Variants in CLASP1 observed in about 807,000 individuals in gnomAD.
CLASP1 encodes CLIP-associating protein 1.
A neutral mutation model predicts 192.3 loss-of-function variants in CLASP1; 38 were observed. That is an observed-to-expected ratio of 0.20 (90% confidence interval 0.15 to 0.26). The LOEUF is 0.26. CLASP1 is among the 10% of genes least tolerant of loss of function. The probability of loss-of-function intolerance (pLI) is 1.00; values close to 1 mark genes in which losing one functional copy is unlikely to be tolerated. For missense variants in CLASP1, 1,433 were observed against 1,932.5 expected, an observed-to-expected ratio of 0.74 and a Z score of 4.85; for synonymous variants, 691 against 712.8, an observed-to-expected ratio of 0.97 and a Z score of 0.49.
rs893707145 is a variant in CLASP1 at position 121,452,139 on chromosome 2, C to G, written c.1386-290G>C. Among the ~76,000 whole-genome samples the G allele has an allele frequency of 3.9e-5, 6 of 152,226 alleles. No individual in the cohort carries two copies. The East Asian group carries it at 7.7e-4, about 19-fold the overall frequency. On this transcript the variant is annotated intron_variant, in intron 14 of 39. Coordinates refer to ENST00000263710, the Ensembl canonical transcript of CLASP1. ...GCAACATCACTGAAAGGACTTACCACTGTCATTCATTTTTATACTATCCTA... is the reference window on the plus strand; with the variant it reads ...GCAACATCACTGAAAGGACTTACCAGTGTCATTCATTTTTATACTATCCTA...
intron 1 of CLASP1, among the ~76,000 whole-genome samples, chr2:121,641,304 T>A (rs1264924436): frequency 6.7e-6 from 1 of 150,208 alleles, no homozygotes; most frequent in Non-Finnish European, 1.5e-5. Flanking sequence ...CAAACTTGTG[T>A]AGCCCCAGAA....
chr2:121,540,615 C>A (rs1051738768), intron 2 of CLASP1, among the ~76,000 whole-genome samples: 1 of 151,854 alleles, frequency 6.6e-6, no homozygotes, highest in Admixed American at 6.6e-5. Context: ...GGTGAAACCC[C>A]GTTTCTACTA....
At chr2:121,421,836 C>A (rs977428613) in intron 22 of CLASP1, among the ~76,000 whole-genome samples, 5 of 152,176 alleles carry the variant, frequency 3.3e-5, no homozygotes, top group African/African-American at 7.2e-5. Context: ...AGCCACTGCA[C>A]CCGGCCTAAA....
At chr2:121,581,897 A>G (rs899564784) in intron 2 of CLASP1, among the ~76,000 whole-genome samples, 16 of 152,086 alleles carry the variant, frequency 1.1e-4, no homozygotes, top group Admixed American at 9.2e-4. Context: ...AAAAGAAAAG[A>G]AAAGTCCAGG....
In CLASP1 at chr2:121,369,742, T is replaced by C. The variant is rs182950074; in HGVS notation, c.3643-1911A>G. ...TGTTTAATCACACCACTACCTCTAC[T>C]TGTGTTTTAAAAAAGATTTACTCAG... On this transcript the variant is annotated intron_variant, in intron 34 of 39. Coordinates refer to ENST00000263710, the Ensembl canonical transcript of CLASP1. Among the ~76,000 whole-genome samples, 25 of 152,348 alleles carry C rather than the reference T, an allele frequency of 1.6e-4. No individual in the cohort carries two copies. In the East Asian group the frequency reaches 4.2e-3, roughly 26 times the overall value.
At chr2:121,351,441 G>A (rs76275209) in intron 37 of CLASP1, among the ~76,000 whole-genome samples, 1,546 of 152,262 alleles carry the variant, frequency 0.01, 29 homozygotes, top group African/African-American at 0.035. Context: ...CCACTAAGCT[G>A]GGCATTTACC....
intron 31 of CLASP1, 86 bp from the exon 33 acceptor site, chr2:121,387,314 T>A: frequency 1.1e-6 from 1 of 925,078 alleles, no homozygotes; most frequent in Non-Finnish European, 1.6e-6. Flanking sequence ...AACCCACATG[T>A]AAATAAATGG....
At chr2:121,625,149 C>A (rs2068078394) in intron 1 of CLASP1, among the ~76,000 whole-genome samples, 1 of 152,134 alleles carries the variant, frequency 6.6e-6, no homozygotes. Flanking sequence ...AAGGGGTGTT[C>A]TATAAATGTC....
intron 8 of CLASP1, among the ~76,000 whole-genome samples, chr2:121,478,753 A>ACACACAC (rs1559366637): frequency 2.7e-5 from 1 of 37,060 alleles, no homozygotes; most frequent in East Asian, 8.8e-4. Flanking sequence ...CACACACACC[A>ACACACAC]CACACACACC....
intron 7 of CLASP1, among the ~76,000 whole-genome samples, chr2:121,503,591 T>C (rs961527293): frequency 6.6e-6 from 1 of 152,204 alleles, no homozygotes; most frequent in Non-Finnish European, 1.5e-5. Context: ...GAAGTGTGTG[T>C]TTCTCCTCTT....
intron 22 of CLASP1, among the ~76,000 whole-genome samples, chr2:121,421,952 G>A (rs2079574690): frequency 6.6e-6 from 1 of 152,208 alleles, no homozygotes; most frequent in Non-Finnish European, 1.5e-5. Context: ...CAAACTAAAT[G>A]TTCTATGTGA....
intron 1 of CLASP1, among the ~76,000 whole-genome samples, chr2:121,647,402 C>T (rs2073371208): frequency 1.3e-5 from 2 of 152,060 alleles, no homozygotes; most frequent in African/African-American, 4.8e-5. Flanking sequence ...ATAAATAAAA[C>T]CAGTAAACAA....
intron 9 of CLASP1, among the ~76,000 whole-genome samples, chr2:121,469,355 C>T (rs1386498246): frequency 2.0e-5 from 3 of 152,100 alleles, no homozygotes; most frequent in Admixed American, 1.3e-4. Flanking sequence ...TACACACATG[C>T]CCCAATACCT....
chr2:121,591,176 A>AT (rs200657759), intron 2 of CLASP1, among the ~76,000 whole-genome samples: 4 of 140,738 alleles, frequency 2.8e-5, no homozygotes, highest in East Asian at 2.0e-4. Flanking sequence ...AAATTATTTG[A>AT]TTTTTAAAAA....
chr2:121,363,243 C>A (rs765577807), exon 37 of CLASP1: 1 of 1,613,890 alleles, frequency 6.2e-7, no homozygotes, highest in Non-Finnish European at 8.5e-7. Context: ...TTAAATCTTG[C>A]TGGTTGATTT....
chr2:121,464,716 T>G (rs899742012), intron 9 of CLASP1, among the ~76,000 whole-genome samples: 2 of 152,318 alleles, frequency 1.3e-5, no homozygotes, highest in African/African-American at 4.8e-5. Context: ...CTTGTAAATT[T>G]GTTTGAGTTC....
rs863225422 is a variant in CLASP1 at position 121,530,927 on chromosome 2, G to A, written c.196-602C>T. The stretch of plus-strand genomic sequence containing the variant: ...CGCTACTGTCCAATGAGCGCATAGT[G>A]AGGGCAGTACTGCTAACGCCTGAAC... On this transcript the variant is annotated intron_variant, in intron 2 of 39. Transcript: ENST00000263710. The A allele has an allele frequency of 1.0e-4, 71 of 699,952 alleles. No individual in the cohort carries two copies. The highest frequency in any genetic ancestry group is 1.4e-4 in the Non-Finnish European group (54 of 384,452). The allele number at this position is 699,952 out of a possible 1,614,324, so 43.4% of individuals were successfully genotyped here. A position where few individuals can be genotyped will look rare whatever the true frequency, so the allele number is the denominator to read the frequency against.
intron 30 of CLASP1, among the ~76,000 whole-genome samples, chr2:121,390,789 C>T (rs184337806): frequency 9.9e-4 from 151 of 152,180 alleles, no homozygotes; most frequent in Non-Finnish European, 1.2e-3. Flanking sequence ...ATTTCAAAAC[C>T]CTCAGACATT....
intron 2 of CLASP1, among the ~76,000 whole-genome samples, chr2:121,550,683 T>G (rs969925381): frequency 7.2e-5 from 11 of 152,198 alleles, no homozygotes; most frequent in Non-Finnish European, 1.2e-4. Flanking sequence ...CTCCTAAGAC[T>G]GAGCCAGGAA....
Sources: gnomAD v4.1 joint callset for allele counts (sites outside exome capture counted in the v4.1 genomes callset) on GRCh38, gnomAD v4.1.1 for gene constraint, MANE v1.5 for transcripts, NCBI Gene and HGNC (gene_info 2026-07-23, HGNC 2026-07-21) for gene names.